CPA6: variants seen among roughly 807,000 people sequenced by gnomAD.
CPA6 encodes carboxypeptidase A6, also known as carboxypeptidase B.
CPA6 carries 58 observed loss-of-function variants against 63.3 expected under a neutral mutation model. That is an observed-to-expected ratio of 0.92 (90% CI 0.74 to 1.14). The LOEUF (loss-of-function observed/expected upper bound fraction) is 1.14. CPA6 is among the 50% of genes most tolerant of loss of function. The pLI is 0.00. For synonymous variants in CPA6, 185 were observed against 179.0 expected, an observed-to-expected ratio of 1.03 and a Z score of -0.27; for missense variants, 565 against 526.6, an observed-to-expected ratio of 1.07 and a Z score of -0.71.
At chr8:67,679,214 A>T (rs539271910) in intron 1 of CPA6, among the ~76,000 whole-genome samples, 19 of 152,362 alleles carry the variant, frequency 1.2e-4, no homozygotes, top group African/African-American at 4.6e-4. Flanking sequence ...TAAAAAGTTG[A>T]CATTACAAAA....
At chr8:67,602,838 C>T (rs1399374807) in intron 2 of CPA6, among the ~76,000 whole-genome samples, 1 of 152,182 alleles carries the variant, frequency 6.6e-6, no homozygotes, top group East Asian at 1.9e-4. Flanking sequence ...ATCATAAATA[C>T]CGCATGTCAT....
At chr8:67,591,532 T>C (rs1286835209) in intron 2 of CPA6, among the ~76,000 whole-genome samples, 1 of 152,200 alleles carries the variant, frequency 6.6e-6, no homozygotes, top group African/African-American at 2.4e-5. Context: ...GGAATGTTCT[T>C]CCCTTTGTTT....
At chr8:67,741,819 G>C (rs922284522) in intron 1 of CPA6, among the ~76,000 whole-genome samples, 1 of 151,886 alleles carries the variant, frequency 6.6e-6, no homozygotes, top group Admixed American at 6.6e-5. Flanking sequence ...ATATTATAAC[G>C]TAATAACAAT....
intron 2 of CPA6, among the ~76,000 whole-genome samples, chr8:67,544,077 G>A (rs1261634487): frequency 1.3e-5 from 2 of 152,084 alleles, no homozygotes; most frequent in East Asian, 1.9e-4. Flanking sequence ...TATAAGCCAC[G>A]GCATCCAGCC....
intron 1 of CPA6, among the ~76,000 whole-genome samples, chr8:67,744,804 C>T (rs1026980200): frequency 2.0e-5 from 3 of 152,088 alleles, no homozygotes; most frequent in Admixed American, 1.3e-4. Flanking sequence ...AACTCCTTTC[C>T]GTTCCTCCCA....
intron 1 of CPA6, among the ~76,000 whole-genome samples, chr8:67,713,099 G>GTGTGTGTGTGTATATATATATA (rs1328463977): frequency 1.8e-5 from 1 of 55,034 alleles, no homozygotes; most frequent in African/African-American, 7.4e-5. Flanking sequence ...GTGTGTGTGT[G>GTGTGTGTGTGTATATATATATA]TATATATATA....
chr8:67,491,840 A>T (rs1362238174), intron 6 of CPA6, among the ~76,000 whole-genome samples: 1 of 151,430 alleles, frequency 6.6e-6, no homozygotes, highest in East Asian at 1.9e-4. Flanking sequence ...ACTGCTACAA[A>T]TCACTATATA....
At chr8:67,695,200 A>G (rs758355982) in intron 1 of CPA6, among the ~76,000 whole-genome samples, 2 of 152,166 alleles carry the variant, frequency 1.3e-5, no homozygotes, top group Non-Finnish European at 2.9e-5. Context: ...TTATCATCCA[A>G]TAAGCTCATG....
intron 8 of CPA6, among the ~76,000 whole-genome samples, chr8:67,479,569 G>T (rs534434132): frequency 6.6e-6 from 1 of 152,280 alleles, no homozygotes; most frequent in East Asian, 1.9e-4. Flanking sequence ...GAAGTAGATT[G>T]TACTGAATAT....
intron 6 of CPA6, among the ~76,000 whole-genome samples, chr8:67,495,648 C>A (rs1225352850): frequency 6.6e-6 from 1 of 152,054 alleles, no homozygotes; most frequent in African/African-American, 2.4e-5. Flanking sequence ...AGCTCTCTGA[C>A]AATGGGATGT....
chr8:67,697,717 A>T (rs1204870260), intron 1 of CPA6, among the ~76,000 whole-genome samples: 2 of 152,144 alleles, frequency 1.3e-5, no homozygotes, highest in Admixed American at 1.3e-4. Context: ...TCTCGCAAGC[A>T]TTAGAGTTAC....
At chr8:67,534,131 T>C (rs1812534318) in intron 2 of CPA6, among the ~76,000 whole-genome samples, 1 of 152,226 alleles carries the variant, frequency 6.6e-6, no homozygotes, top group Non-Finnish European at 1.5e-5. Flanking sequence ...AAGCTGCCAA[T>C]GACATCATGT....
intron 2 of CPA6, among the ~76,000 whole-genome samples, chr8:67,544,402 G>A (rs1185100770): frequency 2.6e-5 from 4 of 152,122 alleles, no homozygotes; most frequent in African/African-American, 9.7e-5. Flanking sequence ...GCTTTTTTCT[G>A]TTGTGTGCAG....
intron 6 of CPA6, among the ~76,000 whole-genome samples, chr8:67,506,210 C>G (rs1335819023): frequency 6.6e-6 from 1 of 152,088 alleles, no homozygotes; most frequent in Admixed American, 6.6e-5. Flanking sequence ...TCAAATGAAG[C>G]ATTAAGAAAA....
At chr8:67,594,289 C>T (rs1385846258) in intron 2 of CPA6, among the ~76,000 whole-genome samples, 14 of 151,696 alleles carry the variant, frequency 9.2e-5, no homozygotes, top group African/African-American at 1.7e-4. Flanking sequence ...GTGGGTAACC[C>T]GACCTTTCTC....
intron 2 of CPA6, among the ~76,000 whole-genome samples, chr8:67,564,482 C>T (rs947713710): frequency 1.3e-4 from 19 of 151,696 alleles, no homozygotes; most frequent in African/African-American, 4.6e-4. Flanking sequence ...TTAATTCAGG[C>T]CTCCTACTTG....
At chr8:67,622,586 C>A (rs1378043187) in intron 2 of CPA6, among the ~76,000 whole-genome samples, 4 of 151,996 alleles carry the variant, frequency 2.6e-5, no homozygotes, top group Non-Finnish European at 5.9e-5. Context: ...GACAGGGAAT[C>A]AATAAACTCA....
At chr8:67,598,237 G>A (rs925475126) in intron 2 of CPA6, among the ~76,000 whole-genome samples, 5 of 152,052 alleles carry the variant, frequency 3.3e-5, no homozygotes, top group South Asian at 2.1e-4. Context: ...TATAAACTTT[G>A]GATTTATCTC....
intron 10 of CPA6, among the ~76,000 whole-genome samples, chr8:67,425,427 T>G (rs1273401509): frequency 6.6e-6 from 1 of 152,198 alleles, no homozygotes; most frequent in Non-Finnish European, 1.5e-5. Flanking sequence ...CAGGCTGGAG[T>G]GCAGTGGTGC....
Sources: allele counts gnomAD v4.1 joint callset (sites outside exome capture counted in the v4.1 genomes callset), GRCh38; gene constraint gnomAD v4.1.1; transcripts MANE v1.5; gene names NCBI Gene and HGNC (gene_info 2026-07-23, HGNC 2026-07-21).